The following GRIK1 variants were observed in gnomAD, a reference collection of about 807,000 sequenced individuals.
GRIK1 encodes the protein glutamate ionotropic receptor kainate type subunit 1.
Under a neutral mutation model 105.7 loss-of-function variants are expected in GRIK1, and 69 were observed. The observed-to-expected ratio is 0.65, with a 90% CI of 0.54 to 0.80. The LOEUF is 0.80. Ranked by LOEUF, GRIK1 falls within the 30% of genes least tolerant of loss-of-function variation. The probability of loss-of-function intolerance (pLI) is 0.00; values close to 1 mark genes in which losing one functional copy is unlikely to be tolerated. For synonymous variants in GRIK1, 438 were observed against 431.3 expected (o/e 1.02, Z -0.19); for missense variants, 1,109 against 1,167.3 (o/e 0.95, Z 0.73).
chr21:29,654,781 T>A (rs763386066), intron 5 of GRIK1, 29 bp downstream of exon 5: 1 of 1,288,988 alleles, frequency 7.8e-7, no homozygotes, highest in South Asian at 1.2e-5. Flanking sequence ...TCCTACCATG[T>A]GGAATACATT....
At chr21:29,806,240 T>C in intron 1 of GRIK1, among the ~76,000 whole-genome samples, 1 of 152,236 alleles carries the variant, frequency 6.6e-6, no homozygotes, top group East Asian at 1.9e-4. Flanking sequence ...TCATTGACAT[T>C]GATATTTTAA....
At chr21:29,697,486 A>G (rs1422658579) in intron 1 of GRIK1, among the ~76,000 whole-genome samples, 1 of 151,414 alleles carries the variant, frequency 6.6e-6, no homozygotes, top group Non-Finnish European at 1.5e-5. Context: ...TTTTTTTTTC[A>G]TTTTTTCATC....
chr21:29,581,711 G>T (rs1349234265), intron 12 of GRIK1, among the ~76,000 whole-genome samples, 168 bp from the exon 13 acceptor site: 1 of 152,110 alleles, frequency 6.6e-6, no homozygotes, highest in Non-Finnish European at 1.5e-5. Flanking sequence ...TGGGCAAAGT[G>T]CAAAGAGCCT....
At chr21:29,906,204 T>C (rs1465617865) in intron 1 of GRIK1, among the ~76,000 whole-genome samples, 1 of 152,238 alleles carries the variant, frequency 6.6e-6, no homozygotes, top group Non-Finnish European at 1.5e-5. Context: ...TGAGTTTCAT[T>C]GTGTGCTACA....
At chr21:29,811,326 G>A (rs2067003779) in intron 1 of GRIK1, among the ~76,000 whole-genome samples, 1 of 152,076 alleles carries the variant, frequency 6.6e-6, no homozygotes, top group East Asian at 1.9e-4. Flanking sequence ...CACTCTGTCC[G>A]TAATAACTCG....
Position 29,537,164 on chromosome 21 carries a change from A to G in GRIK1, c.*66T>C. On this transcript the variant is annotated 3_prime_UTR_variant, in exon 18 of 18. Transcript: ENST00000327783. ...TATGGAAACACATCACACACTCCTC[A>G]GAAATCCTTTCTCCAAAAATCTGTA... 8.6e-7 allele frequency: 1 copy of G among 1,161,148 alleles called. No individual in the cohort carries two copies. Among genetic ancestry groups the G allele is most frequent in the Non-Finnish European group, 1.2e-6 (1 of 819,564 alleles). 71.9% of individuals were successfully genotyped at this position (1,161,148 alleles called of 1,614,324 possible).
At chr21:29,814,080 A>AAG (rs1555892601) in intron 1 of GRIK1, among the ~76,000 whole-genome samples, 4 of 146,934 alleles carry the variant, frequency 2.7e-5, no homozygotes, top group East Asian at 2.0e-4. Flanking sequence ...ACACCTGGCT[A>AAG]ATATATATAT....
intron 7 of GRIK1, among the ~76,000 whole-genome samples, chr21:29,640,345 G>A (rs1327120530): frequency 1.3e-5 from 2 of 152,048 alleles, no homozygotes; most frequent in African/African-American, 4.8e-5. Flanking sequence ...CCTCCAGCAG[G>A]CTGAGGCATT....
At chr21:29,652,523 A>G (rs865984625) in intron 5 of GRIK1, among the ~76,000 whole-genome samples, 3 of 152,210 alleles carry the variant, frequency 2.0e-5, no homozygotes, top group Non-Finnish European at 2.9e-5. Flanking sequence ...CTTGCAGACA[A>G]TGTTTCAGGA....
intron 1 of GRIK1, among the ~76,000 whole-genome samples, chr21:29,771,476 C>T (rs1481063577): frequency 6.6e-6 from 1 of 152,164 alleles, no homozygotes; most frequent in African/African-American, 2.4e-5. Context: ...ATGTGATCTC[C>T]ATGCTCTTGC....
intron 1 of GRIK1, among the ~76,000 whole-genome samples, chr21:29,792,107 G>T (rs2066434494): frequency 6.6e-6 from 1 of 152,026 alleles, no homozygotes; most frequent in African/African-American, 2.4e-5. Flanking sequence ...ATGTGTGTGT[G>T]TATATAGTAT....
At chr21:29,774,820 G>C (rs1347291130) in intron 1 of GRIK1, among the ~76,000 whole-genome samples, 2 of 152,130 alleles carry the variant, frequency 1.3e-5, no homozygotes, top group Non-Finnish European at 2.9e-5. Context: ...TGTGAGACCT[G>C]TGCAGTTGCA....
intron 1 of GRIK1, among the ~76,000 whole-genome samples, chr21:29,903,080 T>C (rs370791847): frequency 1.3e-5 from 2 of 152,350 alleles, no homozygotes; most frequent in African/African-American, 2.4e-5. Context: ...GCTAGCCATA[T>C]GCAGAAAACT....
intron 1 of GRIK1, among the ~76,000 whole-genome samples, chr21:29,900,223 A>G (rs1018083593): frequency 2.0e-5 from 3 of 152,106 alleles, no homozygotes; most frequent in African/African-American, 7.2e-5. Context: ...AACTGCATCA[A>G]TTAATGGGCA....
chr21:29,689,702 G>C (rs2063548887), intron 3 of GRIK1, 26 bp downstream of exon 3: 1 of 1,607,880 alleles, frequency 6.2e-7, no homozygotes. Context: ...GACATGGTCG[G>C]GTGAGGTCTT....
chr21:29,590,414 G>C (rs1232518958), intron 10 of GRIK1, among the ~76,000 whole-genome samples: 1 of 152,186 alleles, frequency 6.6e-6, no homozygotes, highest in Non-Finnish European at 1.5e-5. Context: ...TAAGCAACCG[G>C]TAGCTGTACA....
rs531396193 is a variant in GRIK1 at position 29,919,771 on chromosome 21, G to A, written c.118+19612C>T. 3.4e-3 allele frequency among the ~76,000 whole-genome samples: 522 copies of A among 152,258 alleles called. 6 individuals carry two copies. The highest frequency in any genetic ancestry group is 0.012 in the African/African-American group (499 of 41,568). On this transcript the variant is annotated intron_variant, in intron 1 of 17. Coordinates refer to ENST00000327783, the MANE Select transcript of GRIK1 (RefSeq NM_001330994.2). ...AAAGCATGAGGTTGAATAAACCTAC[G>A]TAGTGGTTTGAAGAGGTTTAATGTG...
chr21:29,774,830 A>G (rs1031143244), intron 1 of GRIK1, among the ~76,000 whole-genome samples: 3 of 152,100 alleles, frequency 2.0e-5, no homozygotes, highest in African/African-American at 4.8e-5. Flanking sequence ...GTGCAGTTGC[A>G]TGGGGCTTGC....
At chr21:29,573,369 A>T (rs2090802607) in intron 14 of GRIK1, among the ~76,000 whole-genome samples, 1 of 152,228 alleles carries the variant, frequency 6.6e-6, no homozygotes, top group Non-Finnish European at 1.5e-5. Flanking sequence ...TAATGTAGTC[A>T]TTCAGGGTCC....
Sources: gnomAD v4.1 joint callset for allele counts (sites outside exome capture counted in the v4.1 genomes callset) on GRCh38, gnomAD v4.1.1 for gene constraint, MANE v1.5 for transcripts, NCBI Gene and HGNC (gene_info 2026-07-23, HGNC 2026-07-21) for gene names.